The following DYSF variants were observed in gnomAD, a reference collection of about 807,000 sequenced individuals.
The protein encoded by DYSF is dystrophy-associated fer-1-like 1.
A neutral mutation model predicts 274.9 loss-of-function variants in DYSF; 212 were observed. The ratio of observed to expected loss-of-function variants is 0.77; its 90% CI spans 0.69 to 0.86. The LOEUF (loss-of-function observed/expected upper bound fraction) is 0.86. Ranked by LOEUF, DYSF falls within the 40% of genes least tolerant of loss-of-function variation. DYSF has a pLI of 0.00. For synonymous variants in DYSF, 1,091 were observed against 1,078.7 expected (o/e 1.01, Z -0.22); for missense variants, 2,666 against 2,783.2 (o/e 0.96, Z 0.95).
intron 3 of DYSF, among the ~76,000 whole-genome samples, chr2:71,501,768 A>G (rs1241706344): frequency 5.1e-4 from 77 of 152,140 alleles, no homozygotes; most frequent in Non-Finnish European, 4.4e-5. Context: ...ATTCCATTGT[A>G]TGGATGGACC....
chr2:71,643,887 G>T, intron 41 of DYSF, 78 bp from the exon 42 acceptor site: 1 of 1,158,374 alleles, frequency 8.6e-7, no homozygotes, highest in Non-Finnish European at 1.3e-6. Flanking sequence ...TAGCAGCGGA[G>T]GGAGGGTTTC....
intron 41 of DYSF, among the ~76,000 whole-genome samples, chr2:71,643,504 A>T (rs1169929987): frequency 6.6e-6 from 1 of 152,166 alleles, no homozygotes; most frequent in Non-Finnish European, 1.5e-5. Context: ...GGCAGAATAG[A>T]TAAAACTCTT....
intron 21 of DYSF, 127 bp from the exon 22 acceptor site, chr2:71,555,838 T>G: frequency 3.9e-6 from 3 of 777,192 alleles, no homozygotes; most frequent in Non-Finnish European, 6.7e-6. Context: ...GCCTGGACTC[T>G]GCCTTCTTTG....
chr2:71,651,865 A>T (rs1261276355), intron 42 of DYSF, among the ~76,000 whole-genome samples: 2 of 152,252 alleles, frequency 1.3e-5, no homozygotes, highest in East Asian at 1.9e-4. Context: ...CATGAACAGT[A>T]TTCATCATAT....
intron 30 of DYSF, among the ~76,000 whole-genome samples, chr2:71,579,642 A>G (rs952344971): frequency 1.3e-5 from 2 of 152,172 alleles, no homozygotes; most frequent in East Asian, 1.9e-4. Flanking sequence ...GCTGGATTCT[A>G]TTATTAGCCC....
At chr2:71,559,256 G>T (rs1326627051) in intron 22 of DYSF, among the ~76,000 whole-genome samples, 1 of 152,206 alleles carries the variant, frequency 6.6e-6, no homozygotes, top group East Asian at 1.9e-4. Flanking sequence ...GTTGCAGACA[G>T]GTTTCATCAC....
chr2:71,586,990 A>G (rs1414494138), intron 30 of DYSF, among the ~76,000 whole-genome samples: 1 of 152,166 alleles, frequency 6.6e-6, no homozygotes, highest in Non-Finnish European at 1.5e-5. Flanking sequence ...CAGCAGCTAG[A>G]GGTGCTGAGA....
Position 71,669,206 on chromosome 2 carries a change from G to A in DYSF, c.5641G>A (p.Gly1881Ser). The change falls in exon 50 of 56, where the codon GGT (glycine) becomes AGT (serine). Residue 1881 changes from glycine to serine, a missense_variant and splice_region_variant. Physicochemically the swap from Gly to Ser is moderately conservative, Grantham distance 56. Around this residue, in one of 3 missense-constraint regions of DYSF, gnomAD observed 1,460 missense variants for 1,502.1 expected, o/e 0.97. Transcript: ENST00000410020. ...GEKMSDIYVK[G>S]WMIGFEEHKQ... ...GAAGATGAGCGACATTTATGTGAAA[G>A]GGTAGGGAGCCAGCGTCCTCTTGCC... The A allele has an allele frequency of 6.2e-7, 1 of 1,604,044 alleles. No homozygotes were observed. Among genetic ancestry groups the A allele is most frequent in the Non-Finnish European group, 8.5e-7 (1 of 1,175,142 alleles).
chr2:71,491,045 ATGT>A, intron 3 of DYSF, among the ~76,000 whole-genome samples: 1 of 152,208 alleles, frequency 6.6e-6, no homozygotes, highest in East Asian at 1.9e-4. Flanking sequence ...CTTTTCAAAA[ATGT>A]TGTCCCAATT....
chr2:71,516,708 G>A (rs2086696697), intron 9 of DYSF, among the ~76,000 whole-genome samples: 1 of 152,226 alleles, frequency 6.6e-6, no homozygotes, highest in Non-Finnish European at 1.5e-5. Flanking sequence ...GGCTCTAAGT[G>A]TAGGCTCCGG....
At chr2:71,537,223 G>GTTTTGTTTTTTTTT (rs1553536523) in intron 16 of DYSF, among the ~76,000 whole-genome samples, 12 of 79,642 alleles carry the variant, frequency 1.5e-4, no homozygotes, top group African/African-American at 3.3e-4. Context: ...TTCTAGTTTT[G>GTTTTGTTTTTTTTT]TTTTTTTTTT....
chr2:71,466,738 G>A lies in DYSF; in HGVS notation c.-105G>A. 7.1e-7 allele frequency: 1 copy of A among 1,402,652 alleles called. No homozygotes were observed. The highest frequency in any genetic ancestry group is 1.6e-5 in the South Asian group (1 of 63,798). The allele number at this position is 1,402,652 out of a possible 1,614,324, so 86.9% of individuals were successfully genotyped here. ...GAGCAGCGAAGGCGACAGCTCTCTT[G>A]GCGCGGCTGCCTGGGAGCCGGGCGC... On this transcript the variant is annotated 5_prime_UTR_variant, in exon 1 of 56. Transcript: ENST00000410020.
At position 71,526,253 on chromosome 2, in the gene DYSF, G is replaced by A. The variant is rs1333857093; in HGVS notation, c.1183G>A (p.Asp395Asn). 25 of 1,614,136 alleles carry A rather than the reference G, an allele frequency of 1.5e-5. No homozygotes were observed. Among genetic ancestry groups the A allele is most frequent in the Non-Finnish European group, 2.1e-5 (25 of 1,180,052 alleles). The change falls in exon 13 of 56, where the codon GAC becomes AAC. Residue 395 changes from aspartate to asparagine, a missense_variant. Physicochemically the swap from Asp to Asn is conservative, Grantham distance 23 (BLOSUM62 1). Coordinates refer to ENST00000410020, the MANE Select transcript of DYSF (RefSeq NM_001130987.2). Reference sequence around the variant, plus strand: ...AAAAGACCCCTCTGAAGACAAGGAGGACATTGAAAGCAACCTGCTCCGGCC... The same window carrying A: ...AAAAGACCCCTCTGAAGACAAGGAGAACATTGAAAGCAACCTGCTCCGGCC... ...ERKDPSEDKE[D>N]IESNLLRPTG...
intron 3 of DYSF, 38 bp downstream of exon 3, chr2:71,482,008 G>A (rs1270205716): frequency 1.3e-6 from 2 of 1,550,292 alleles, no homozygotes; most frequent in South Asian, 2.2e-5. Flanking sequence ...TGGCTTGAAG[G>A]TGCAGGTAGG....
intron 3 of DYSF, among the ~76,000 whole-genome samples, chr2:71,500,640 C>A (rs983173171): frequency 2.0e-5 from 3 of 152,108 alleles, no homozygotes; most frequent in Non-Finnish European, 4.4e-5. Flanking sequence ...GCTGGACAAC[C>A]AGCAAGGGAG....
intron 40 of DYSF, among the ~76,000 whole-genome samples, chr2:71,618,621 TG>T (rs199593606): frequency 2.3e-5 from 1 of 44,382 alleles, no homozygotes; most frequent in African/African-American, 6.6e-5. Flanking sequence ...GTGGTAGAGG[TG>T]GTGTGTGTGT....
At chr2:71,678,375 T>TA (rs1443539018) in intron 52 of DYSF, among the ~76,000 whole-genome samples, 1 of 152,058 alleles carries the variant, frequency 6.6e-6, no homozygotes, top group Non-Finnish European at 1.5e-5. Context: ...ACACTACTGA[T>TA]ATATACAACA....
chr2:71,503,097 G>T, intron 3 of DYSF, 117 bp from the exon 4 acceptor site: 1 of 904,778 alleles, frequency 1.1e-6, no homozygotes. Context: ...TGGGGTGCTG[G>T]GTGACTGTGT....
At position 71,608,305 on chromosome 2, in the gene DYSF, G is replaced by A. The variant is rs139313189; in HGVS notation, c.3958-2940G>A. On this transcript the variant is annotated intron_variant, in intron 36 of 55. Transcript: ENST00000410020. ...GATGGGGATGTCTTTAAATTGGGAA[G>A]GAGCAGATCCAGGAGATAGTGTGAA... Among the ~76,000 whole-genome samples, 663 of 152,180 alleles carry A rather than the reference G, an allele frequency of 4.4e-3. 2 individuals are homozygous for A. The highest frequency in any genetic ancestry group is 0.015 in the African/African-American group (629 of 41,490).
Sources: gnomAD v4.1 joint callset for allele counts (sites outside exome capture counted in the v4.1 genomes callset) on GRCh38, gnomAD v4.1.1 for gene constraint, gnomAD v4.1.1 regional missense constraint, MANE v1.5 for transcripts, NCBI Gene and HGNC (gene_info 2026-07-23, HGNC 2026-07-21) for gene names.